FRMD4B: variants seen among roughly 807,000 people sequenced by gnomAD.
FRMD4B encodes the protein FERM domain containing 4B.
A neutral mutation model predicts 141.5 loss-of-function variants in FRMD4B; 74 were observed. The ratio of observed to expected loss-of-function variants is 0.52; its 90% CI spans 0.43 to 0.63. The LOEUF is 0.63. FRMD4B is among the 30% of genes least tolerant of loss of function. The pLI is 0.00. For synonymous variants in FRMD4B, 506 were observed against 467.9 expected (o/e 1.08, Z -1.05); for missense variants, 1,366 against 1,253.4 (o/e 1.09, Z -1.36).
rs781417922 is a variant in FRMD4B at position 69,181,015 on chromosome 3, T to C, written c.2735A>G (p.Gln912Arg). 1.2e-6 allele frequency: 2 copies of C among 1,614,010 alleles called. No homozygotes were observed. The highest frequency in any genetic ancestry group is 2.2e-5 in the South Asian group (2 of 91,080). Residue 912 changes from glutamine to arginine, a missense_variant, in exon 21 of 23, where the codon CAG becomes CGG. Transcript: ENST00000398540. ...WYQRASGQKD[Q>R]GHSPQTSFDS... ...AAAGCTGGTCTGCGGGCTGTGTCCCTGATCCTTCTGCCCAGAGGCCCGCTG... is the reference window on the plus strand; with the variant it reads ...AAAGCTGGTCTGCGGGCTGTGTCCCCGATCCTTCTGCCCAGAGGCCCGCTG...
chr3:69,230,120 C>T (rs756667634), intron 7 of FRMD4B, among the ~76,000 whole-genome samples: 14 of 151,858 alleles, frequency 9.2e-5, no homozygotes, highest in East Asian at 3.9e-4. Context: ...GGATTACAGG[C>T]GCCCTCCGCC....
chr3:69,500,614 CT>C (rs1260411383), intron 1 of FRMD4B, among the ~76,000 whole-genome samples: 3 of 152,234 alleles, frequency 2.0e-5, no homozygotes, highest in African/African-American at 7.2e-5. Context: ...GGTACTACCC[CT>C]GGGCCTCAAG....
At chr3:69,465,497 C>T (rs565417957) in intron 1 of FRMD4B, among the ~76,000 whole-genome samples, 1 of 152,222 alleles carries the variant, frequency 6.6e-6, no homozygotes, top group Admixed American at 6.5e-5. Flanking sequence ...CCCATCGACT[C>T]ATCATTTACA....
chr3:69,297,969 A>C (rs1259301554), intron 4 of FRMD4B, among the ~76,000 whole-genome samples: 2 of 152,212 alleles, frequency 1.3e-5, no homozygotes, highest in Non-Finnish European at 2.9e-5. Flanking sequence ...GGAACACTAC[A>C]TGCCTTTGCT....
intron 11 of FRMD4B, among the ~76,000 whole-genome samples, chr3:69,202,571 G>A (rs2092979666): frequency 6.6e-6 from 1 of 151,654 alleles, no homozygotes; most frequent in South Asian, 2.1e-4. Context: ...CATTATATAA[G>A]CATAATAATA....
intron 2 of FRMD4B, among the ~76,000 whole-genome samples, chr3:69,417,145 C>T (rs961139284): frequency 5.3e-5 from 8 of 152,130 alleles, no homozygotes; most frequent in Non-Finnish European, 8.8e-5. Flanking sequence ...CCACAATGGT[C>T]GAACTAATTT....
At chr3:69,206,736 T>C (rs1043210826) in intron 11 of FRMD4B, among the ~76,000 whole-genome samples, 2 of 152,228 alleles carry the variant, frequency 1.3e-5, no homozygotes, top group Admixed American at 1.3e-4. Flanking sequence ...AATACATTCT[T>C]TCTTTCCAGA....
At chr3:69,464,296 G>A (rs760945555) in intron 1 of FRMD4B, among the ~76,000 whole-genome samples, 5 of 152,206 alleles carry the variant, frequency 3.3e-5, no homozygotes, top group Non-Finnish European at 7.3e-5. Flanking sequence ...TCTGGTAACA[G>A]GACAGAGGTA....
At chr3:69,525,074 C>T (rs1261661881) in intron 1 of FRMD4B, among the ~76,000 whole-genome samples, 1 of 152,206 alleles carries the variant, frequency 6.6e-6, no homozygotes, top group African/African-American at 2.4e-5. Flanking sequence ...CAGCCCAAAA[C>T]TGCAACTGGG....
At chr3:69,255,222 T>C (rs2093485499) in intron 5 of FRMD4B, among the ~76,000 whole-genome samples, 1 of 152,234 alleles carries the variant, frequency 6.6e-6, no homozygotes, top group South Asian at 2.1e-4. Context: ...AGGTATGATG[T>C]CTGTAACTTA....
chr3:69,354,980 T>C (rs1365886761), intron 1 of FRMD4B, among the ~76,000 whole-genome samples: 1 of 151,890 alleles, frequency 6.6e-6, no homozygotes, highest in Non-Finnish European at 1.5e-5. Flanking sequence ...AACAAGTTAC[T>C]TAAACATTAT....
chr3:69,342,046 G>A (rs1337337463), intron 1 of FRMD4B, among the ~76,000 whole-genome samples: 1 of 152,304 alleles, frequency 6.6e-6, no homozygotes, highest in Non-Finnish European at 1.5e-5. Context: ...TTCTTAAGCT[G>A]TGACCTCTCA....
intron 1 of FRMD4B, among the ~76,000 whole-genome samples, chr3:69,479,165 G>C (rs143002715): frequency 0.014 from 2,069 of 150,124 alleles, 57 homozygotes; most frequent in African/African-American, 0.049. Flanking sequence ...TATCCAATTT[G>C]CCAGTCTGGG....
chr3:69,432,081 A>T (rs1344670392), intron 2 of FRMD4B, among the ~76,000 whole-genome samples: 1 of 152,200 alleles, frequency 6.6e-6, no homozygotes, highest in East Asian at 1.9e-4. Context: ...TTATATTATA[A>T]AAAAGCAGTG....
intron 5 of FRMD4B, among the ~76,000 whole-genome samples, chr3:69,265,238 C>G (rs1244701514): frequency 5.0e-4 from 48 of 96,934 alleles, no homozygotes; most frequent in Admixed American, 7.0e-4. Flanking sequence ...CTGGGCAACA[C>G]AGCGAGACTC....
chr3:69,372,246 T>G (rs1209078334), intron 1 of FRMD4B, among the ~76,000 whole-genome samples: 1 of 152,210 alleles, frequency 6.6e-6, no homozygotes, highest in East Asian at 1.9e-4. Flanking sequence ...CCTTGCCAGC[T>G]TCATCCCCAG....
chr3:69,190,931 G>A (rs940540550), intron 17 of FRMD4B, among the ~76,000 whole-genome samples: 9 of 152,146 alleles, frequency 5.9e-5, no homozygotes, highest in African/African-American at 2.2e-4. Flanking sequence ...TCCCACAATG[G>A]GGATAACAAC....
At chr3:69,297,664 C>T (rs948242726) in intron 4 of FRMD4B, among the ~76,000 whole-genome samples, 2 of 152,114 alleles carry the variant, frequency 1.3e-5, no homozygotes, top group African/African-American at 2.4e-5. Flanking sequence ...TTGCTTGCTC[C>T]TCACTGTCAA....
At chr3:69,433,297 C>T (rs1437462897) in intron 1 of FRMD4B, among the ~76,000 whole-genome samples, 2 of 152,304 alleles carry the variant, frequency 1.3e-5, no homozygotes, top group Middle Eastern at 3.4e-3. Flanking sequence ...ATATGTATTT[C>T]TCATTCTCCC....
Sources: gnomAD v4.1 joint callset for allele counts (sites outside exome capture counted in the v4.1 genomes callset) on GRCh38, gnomAD v4.1.1 for gene constraint, MANE v1.5 for transcripts, NCBI Gene and HGNC (gene_info 2026-07-23, HGNC 2026-07-21) for gene names.